GTF2I: variants seen among roughly 807,000 people sequenced by gnomAD.
GTF2I encodes general transcription factor IIi, also known as general transcription factor II-I.
A neutral mutation model predicts 67.6 loss-of-function variants in GTF2I; 12 were observed. The observed-to-expected ratio is 0.18, with a 90% confidence interval of 0.11 to 0.29. The LOEUF (loss-of-function observed/expected upper bound fraction) is 0.29, where lower values mean the gene tolerates loss of function less well. Among genes scored for constraint, GTF2I ranks in the 10% least tolerant of loss-of-function variants. The probability of loss-of-function intolerance (pLI) is 1.00; values close to 1 mark genes in which losing one functional copy is unlikely to be tolerated. For missense variants in GTF2I, 271 were observed against 580.1 expected, an observed-to-expected ratio of 0.47 and a Z score of 5.47; for synonymous variants, 149 against 197.0, an observed-to-expected ratio of 0.76 and a Z score of 2.04.
chr7:74,661,683 A>AAAAATT (rs1452008516), intron 1 of GTF2I, among the ~76,000 whole-genome samples: 3 of 3,576 alleles, frequency 8.4e-4, no homozygotes, highest in Non-Finnish European at 1.2e-3. Context: ...GTGTCTCAAA[A>AAAAATT]AAAATAAAAA....
intron 1 of GTF2I, among the ~76,000 whole-genome samples, chr7:74,660,448 T>A (rs1290413632): frequency 6.6e-6 from 1 of 151,972 alleles, no homozygotes; most frequent in Non-Finnish European, 1.5e-5. Flanking sequence ...TGCCTCGGTC[T>A]CCGAAAGTGC....
intron 29 of GTF2I, 142 bp downstream of exon 29, chr7:74,753,319 T>G (rs868966732): frequency 4.7e-6 from 3 of 637,394 alleles, no homozygotes; most frequent in Middle Eastern, 4.3e-4. Context: ...TGTGCTAAAT[T>G]TATTTAATAA....
chr7:74,731,389 C>T (rs1434939384), intron 14 of GTF2I, among the ~76,000 whole-genome samples: 1 of 141,306 alleles, frequency 7.1e-6, no homozygotes, highest in Admixed American at 7.2e-5. Flanking sequence ...AGTAATATAA[C>T]CTACCCCTCA....
At chr7:74,680,099 A>ATATAT (rs1472352975) in intron 1 of GTF2I, among the ~76,000 whole-genome samples, 1 of 95,002 alleles carries the variant, frequency 1.1e-5, no homozygotes, top group African/African-American at 4.0e-5. Context: ...AAAAAAAAAA[A>ATATAT]ATATATATAT....
At chr7:74,706,511 C>T (rs1790717765) in intron 8 of GTF2I, 78 bp downstream of exon 8, 1 of 1,080,780 alleles carries the variant, frequency 9.3e-7, no homozygotes, top group Non-Finnish European at 1.4e-6. Context: ...TAGTTTGACT[C>T]AATTATTGTT....
At chr7:74,702,936 C>T (rs587709781) in intron 6 of GTF2I, among the ~76,000 whole-genome samples, 1 of 151,826 alleles carries the variant, frequency 6.6e-6, no homozygotes, top group African/African-American at 2.4e-5. Context: ...AAGCTCTTGC[C>T]GTGTTGGCCA....
chr7:74,717,913 T>C (rs1026501359), intron 11 of GTF2I, among the ~76,000 whole-genome samples: 5 of 152,356 alleles, frequency 3.3e-5, no homozygotes, highest in Non-Finnish European at 5.9e-5. Flanking sequence ...TACATTTCCC[T>C]GTCAGCCCTT....
At chr7:74,662,298 C>G (rs1253211036) in intron 1 of GTF2I, among the ~76,000 whole-genome samples, 3 of 147,138 alleles carry the variant, frequency 2.0e-5, no homozygotes, top group South Asian at 2.1e-4. Flanking sequence ...CAACTTACGC[C>G]CCCCCAGGGT....
intron 1 of GTF2I, among the ~76,000 whole-genome samples, chr7:74,671,079 C>CTTTTTTTTT (rs869137920): frequency 1.6e-5 from 1 of 61,782 alleles, no homozygotes; most frequent in African/African-American, 7.2e-5. Flanking sequence ...TGGGCAGATC[C>CTTTTTTTTT]TTTTTTTTTT....
At position 74,677,263 on chromosome 7, in the gene GTF2I, T is replaced by A. The variant is rs141000576; in HGVS notation, c.-5-11861T>A. On this transcript the variant is annotated intron_variant, in intron 1 of 34. Coordinates refer to ENST00000573035, the MANE Select transcript of GTF2I (RefSeq NM_032999.4). Reference sequence around the variant, plus strand: ...TCTTTTGGATTTATTTTAAGCACTATTTTAGGACAAAATATCTAACATTTT... The same window carrying A: ...TCTTTTGGATTTATTTTAAGCACTAATTTAGGACAAAATATCTAACATTTT... Among the ~76,000 whole-genome samples the A allele has an allele frequency of 5.3e-3, 803 of 152,304 alleles. 9 individuals are homozygous for A. Among genetic ancestry groups the A allele is most frequent in the African/African-American group, 0.018 (733 of 41,556 alleles).
chr7:74,693,560 A>G (rs1788573317), intron 3 of GTF2I, among the ~76,000 whole-genome samples: 1 of 151,926 alleles, frequency 6.6e-6, no homozygotes, highest in East Asian at 1.9e-4. Flanking sequence ...TATTGAAATT[A>G]GGCCGGCCAG....
chr7:74,723,776 G>A (rs587774421), intron 12 of GTF2I, among the ~76,000 whole-genome samples: 28 of 151,868 alleles, frequency 1.8e-4, no homozygotes, highest in East Asian at 1.5e-3. Context: ...GCAAATCCTC[G>A]GGAGTGTTTT....
At chr7:74,706,311 T>A in intron 7 of GTF2I, 79 bp from the exon 8 acceptor site, 1 of 1,215,134 alleles carries the variant, frequency 8.2e-7, no homozygotes, top group South Asian at 1.2e-5. Flanking sequence ...CTTAACACTT[T>A]GAGACCCAGA....
At chr7:74,700,517 C>T (rs2301907) in intron 5 of GTF2I, 87 bp downstream of exon 5, 1,210,704 of 1,593,776 alleles carry the variant, frequency 0.76, 461,632 homozygotes, top group East Asian at 0.94. Context: ...TTTTAAAATT[C>T]ATATTTAACA....
intron 6 of GTF2I, among the ~76,000 whole-genome samples, chr7:74,702,069 C>T (rs751851012): frequency 6.6e-6 from 1 of 152,106 alleles, no homozygotes; most frequent in Non-Finnish European, 1.5e-5. Flanking sequence ...ATCCAGTCAT[C>T]AGTTTATAGA....
intron 15 of GTF2I, 23 bp from the exon 16 acceptor site, chr7:74,733,900 G>A (rs201390132): frequency 5.0e-6 from 8 of 1,606,300 alleles, no homozygotes; most frequent in Non-Finnish European, 6.8e-6. Context: ...AGTGATTATT[G>A]AGTATTTATT....
chr7:74,697,120 G>T (rs1223810619), intron 3 of GTF2I, among the ~76,000 whole-genome samples: 2 of 151,968 alleles, frequency 1.3e-5, no homozygotes, highest in Admixed American at 1.3e-4. Flanking sequence ...TTAATGGGCC[G>T]GGTGTGGTGG....
intron 1 of GTF2I, among the ~76,000 whole-genome samples, chr7:74,682,413 T>A (rs1391025122): frequency 6.6e-6 from 1 of 152,218 alleles, no homozygotes; most frequent in Non-Finnish European, 1.5e-5. Context: ...AGAATTACTC[T>A]TGTCCTGAAG....
intron 9 of GTF2I, among the ~76,000 whole-genome samples, chr7:74,713,940 A>G (rs1554403084): frequency 2.0e-5 from 3 of 152,024 alleles, no homozygotes; most frequent in African/African-American, 4.8e-5. Context: ...TTCTCATGCA[A>G]TTGATTTTTT....
Sources: allele counts gnomAD v4.1 joint callset (sites outside exome capture counted in the v4.1 genomes callset), GRCh38; gene constraint gnomAD v4.1.1; transcripts MANE v1.5; gene names NCBI Gene and HGNC (gene_info 2026-07-23, HGNC 2026-07-21).